Variants in EXT1 observed in about 807,000 individuals in gnomAD.
EXT1 encodes the protein exostosin-1.
In EXT1, 20 loss-of-function variants were observed where a neutral mutation model predicts 82.5. The observed-to-expected ratio is 0.24, with a 90% CI of 0.17 to 0.35. EXT1 has a LOEUF of 0.35. Among genes scored for constraint, EXT1 ranks in the 10% least tolerant of loss-of-function variants. The pLI is 1.00. For synonymous variants in EXT1, 348 were observed against 350.8 expected (o/e 0.99, Z 0.09); for missense variants, 757 against 936.5 (o/e 0.81, Z 2.50).
intron 1 of EXT1, among the ~76,000 whole-genome samples, chr8:117,855,256 T>A (rs1812522041): frequency 2.6e-5 from 4 of 152,220 alleles, no homozygotes; most frequent in Admixed American, 2.6e-4. Flanking sequence ...ACTTTGCAGA[T>A]CTTGAGTTTT....
intron 1 of EXT1, among the ~76,000 whole-genome samples, chr8:117,858,970 C>A (rs1812635268): frequency 6.6e-6 from 1 of 152,186 alleles, no homozygotes; most frequent in Non-Finnish European, 1.5e-5. Context: ...CAGCCATCAA[C>A]AAGGCAAGAC....
chr8:117,998,910 A>G (rs1370437767), intron 1 of EXT1, among the ~76,000 whole-genome samples: 1 of 152,228 alleles, frequency 6.6e-6, no homozygotes, highest in Non-Finnish European at 1.5e-5. Flanking sequence ...CTTCACTTGT[A>G]AAAGCAAGGT....
At chr8:117,864,428 T>G (rs1399065954) in intron 1 of EXT1, among the ~76,000 whole-genome samples, 2 of 151,948 alleles carry the variant, frequency 1.3e-5, no homozygotes, top group Non-Finnish European at 2.9e-5. Flanking sequence ...TAAAATACAC[T>G]AACACTAATG....
intron 1 of EXT1, among the ~76,000 whole-genome samples, chr8:117,914,712 G>C (rs1170387498): frequency 6.6e-6 from 1 of 152,160 alleles, no homozygotes; most frequent in African/African-American, 2.4e-5. Context: ...AGACTTACTA[G>C]GGTGGGGAAA....
intron 3 of EXT1, among the ~76,000 whole-genome samples, chr8:117,832,206 C>T (rs1002978009): frequency 6.6e-6 from 1 of 152,114 alleles, no homozygotes; most frequent in South Asian, 2.1e-4. Flanking sequence ...ACTGTTTTAT[C>T]GTAGCCACAA....
At chr8:118,072,649 G>T (rs985169284) in intron 1 of EXT1, among the ~76,000 whole-genome samples, 1 of 152,214 alleles carries the variant, frequency 6.6e-6, no homozygotes, top group South Asian at 2.1e-4. Flanking sequence ...GGTTGATTCT[G>T]GAGATAGATC....
At chr8:118,099,338 C>T (rs17477413) in intron 1 of EXT1, among the ~76,000 whole-genome samples, 3,077 of 152,318 alleles carry the variant, frequency 0.02, 104 homozygotes, top group African/African-American at 0.061. Context: ...GCTGTCCTTT[C>T]TTCCCAGTAC....
intron 1 of EXT1, among the ~76,000 whole-genome samples, chr8:117,918,916 A>T (rs541505012): frequency 1.4e-3 from 211 of 152,236 alleles, no homozygotes; most frequent in African/African-American, 4.8e-3. Flanking sequence ...AATATGAGAA[A>T]TATCCATGGA....
At chr8:118,078,779 G>A (rs1817257193) in intron 1 of EXT1, among the ~76,000 whole-genome samples, 1 of 151,934 alleles carries the variant, frequency 6.6e-6, no homozygotes, top group Admixed American at 6.6e-5. Flanking sequence ...AAAAGATTAA[G>A]GAAAACCAAG....
intron 1 of EXT1, among the ~76,000 whole-genome samples, chr8:117,848,337 C>T (rs925030577): frequency 5.3e-5 from 8 of 152,160 alleles, no homozygotes; most frequent in Non-Finnish European, 1.0e-4. Flanking sequence ...TCTGCCATTT[C>T]CTTAGGCAGA....
intron 1 of EXT1, among the ~76,000 whole-genome samples, chr8:117,921,195 A>G (rs1813848002): frequency 2.0e-5 from 3 of 152,174 alleles, no homozygotes; most frequent in Admixed American, 2.0e-4. Flanking sequence ...TCTAGCCAGC[A>G]TTATTAACAA....
intron 2 of EXT1, 34 bp downstream of exon 2, chr8:117,837,074 A>T: frequency 6.6e-7 from 1 of 1,522,786 alleles, no homozygotes; most frequent in Non-Finnish European, 9.1e-7. Context: ...TTCGGTCCTC[A>T]GCCCTATTCT....
chr8:118,051,042 T>C (rs563485655), intron 1 of EXT1, among the ~76,000 whole-genome samples: 3 of 152,268 alleles, frequency 2.0e-5, no homozygotes, highest in South Asian at 2.1e-4. Context: ...CACACAAATA[T>C]AGTGATGTTT....
In EXT1 at chr8:117,809,242, T is replaced by TATATATATATATATATATATA. The variant is rs796605483; in HGVS notation, c.1723-1866_1723-1865insTATATATATATATATATATAT. Among the ~76,000 whole-genome samples the TATATATATATATATATATATA allele has an allele frequency of 1.3e-4, 19 of 141,210 alleles. No homozygotes were observed. In the East Asian group the frequency reaches 3.0e-3, roughly 22 times the overall value. 92.6% of individuals were successfully genotyped at this position (141,210 alleles called of 152,430 possible). A position where few individuals can be genotyped will look rare whatever the true frequency, so the allele number is the denominator to read the frequency against. On this transcript the variant is annotated intron_variant, in intron 8 of 10. Transcript: ENST00000378204. The stretch of plus-strand genomic sequence containing the variant: ...AAATATATATATATATATATATATA[T>TATATATATATATATATATATA]ATTATGTTCTATTGATTCTGTTTGC...
At chr8:117,806,354 C>A (rs187945567) in intron 9 of EXT1, among the ~76,000 whole-genome samples, 8 of 152,250 alleles carry the variant, frequency 5.3e-5, no homozygotes, top group Admixed American at 2.0e-4. Flanking sequence ...CATCAAGGTC[C>A]TGCAGGATTT....
At chr8:117,852,960 G>A (rs1812481208) in intron 1 of EXT1, among the ~76,000 whole-genome samples, 1 of 152,140 alleles carries the variant, frequency 6.6e-6, no homozygotes, top group Admixed American at 6.5e-5. Flanking sequence ...TTCTGTGAGA[G>A]CACACATGGT....
rs141181573 is a variant in EXT1, at chr8:117,837,806, A to G, written c.963-605T>C. The stretch of plus-strand genomic sequence containing the variant: ...TCACAGGAGAAAGAGGAGGTGAGAG[A>G]GAAGGATGCTAGCCTAAGAAAGGGA... On this transcript the variant is annotated intron_variant, in intron 1 of 10. Coordinates refer to ENST00000378204, the MANE Select transcript of EXT1 (RefSeq NM_000127.3). Among the ~76,000 whole-genome samples the G allele has an allele frequency of 1.2e-3, 183 of 152,120 alleles. 1 individual carries two copies. The highest frequency in any genetic ancestry group is 2.4e-3 in the Admixed American group (37 of 15,272).
Position 117,969,009 on chromosome 8 carries a change from G to A in EXT1, c.963-131808C>T, listed in dbSNP as rs535814974. Among the ~76,000 whole-genome samples the A allele has an allele frequency of 2.8e-4, 43 of 152,230 alleles. 1 individual carries two copies. Among genetic ancestry groups the A allele is most frequent in the Admixed American group, 5.9e-4 (9 of 15,292 alleles). Reference sequence around the variant, plus strand: ...GTGGTATATAAAAGAAGGAAAATGCGAAAAGCAGACCCAGTCCAGAGGAGT... The same window carrying A: ...GTGGTATATAAAAGAAGGAAAATGCAAAAAGCAGACCCAGTCCAGAGGAGT... On this transcript the variant is annotated intron_variant, in intron 1 of 10. Coordinates refer to ENST00000378204, the MANE Select transcript of EXT1 (RefSeq NM_000127.3).
chr8:117,849,651 C>A (rs926679325), intron 1 of EXT1, among the ~76,000 whole-genome samples: 2 of 152,028 alleles, frequency 1.3e-5, no homozygotes, highest in African/African-American at 4.8e-5. Flanking sequence ...AAGCAAGAGC[C>A]CAATAAAAAT....
Sources: allele counts gnomAD v4.1 joint callset (sites outside exome capture counted in the v4.1 genomes callset), GRCh38; gene constraint gnomAD v4.1.1; transcripts MANE v1.5; gene names NCBI Gene and HGNC (gene_info 2026-07-23, HGNC 2026-07-21).